CCNY: variants seen among roughly 807,000 people sequenced by gnomAD.
CCNY encodes cyclin Y, also known as cyclin-Y.
CCNY carries 19 observed loss-of-function variants against 42.8 expected under a neutral mutation model. The ratio of observed to expected loss-of-function variants is 0.44; its 90% CI spans 0.31 to 0.65. CCNY has a LOEUF of 0.65. Ranked by LOEUF, CCNY falls within the 30% of genes least tolerant of loss-of-function variation. The pLI is 0.07. For synonymous variants in CCNY, 165 were observed against 162.7 expected (o/e 1.01, Z -0.11); for missense variants, 370 against 437.3 (o/e 0.85, Z 1.37).
At chr10:35,279,670 G>C (rs1332186036) in intron 3 of CCNY, among the ~76,000 whole-genome samples, 3 of 152,216 alleles carry the variant, frequency 2.0e-5, no homozygotes, top group African/African-American at 7.2e-5. Context: ...ACCTGGACTA[G>C]GAATGCAGAT....
intron 2 of CCNY, among the ~76,000 whole-genome samples, chr10:35,487,165 A>T (rs1351895703): frequency 6.6e-6 from 1 of 152,226 alleles, no homozygotes; most frequent in African/African-American, 2.4e-5. Context: ...TTATATTTCC[A>T]TTACAAGACC....
intron 1 of CCNY, among the ~76,000 whole-genome samples, chr10:35,363,350 C>G (rs149745347): frequency 6.8e-6 from 1 of 147,036 alleles, no homozygotes; most frequent in Non-Finnish European, 1.5e-5. Context: ...GACAGTGGGG[C>G]GGCCGGGCAG....
chr10:35,521,543 G>A (rs1468424368), intron 4 of CCNY, among the ~76,000 whole-genome samples: 3 of 152,144 alleles, frequency 2.0e-5, no homozygotes, highest in Non-Finnish European at 4.4e-5. Context: ...CTGGAGGTGA[G>A]GCAGAAAAAA....
chr10:35,535,297 T>C (rs1404606415), intron 7 of CCNY, among the ~76,000 whole-genome samples: 1 of 151,928 alleles, frequency 6.6e-6, no homozygotes, highest in Non-Finnish European at 1.5e-5. Flanking sequence ...TGAACAGTAG[T>C]CTCTAGATGT....
At chr10:35,511,126 C>T (rs1270501249) in intron 3 of CCNY, among the ~76,000 whole-genome samples, 1 of 152,248 alleles carries the variant, frequency 6.6e-6, no homozygotes, top group African/African-American at 2.4e-5. Context: ...TGCCGTAACA[C>T]AGCTGCTGTG....
At chr10:35,549,798 CGTG>C (rs1589198935) in intron 7 of CCNY, among the ~76,000 whole-genome samples, 3 of 78,212 alleles carry the variant, frequency 3.8e-5, no homozygotes, top group Non-Finnish European at 4.9e-5. Flanking sequence ...CTACAGTGCT[CGTG>C]ACCCTGCGCT....
chr10:35,407,955 G>C (rs1163152227), intron 1 of CCNY, among the ~76,000 whole-genome samples: 2 of 152,182 alleles, frequency 1.3e-5, no homozygotes, highest in African/African-American at 2.4e-5. Flanking sequence ...AGGGAAGTCT[G>C]CCTTCCCGAG....
In CCNY at chr10:35,566,039, C is replaced by G; in HGVS notation, c.763C>G (p.Gln255Glu). Residue 255 changes from glutamine to glutamate, a missense_variant, in exon 9 of 10, where the codon CAG (glutamine) becomes GAG (glutamate). Physicochemically the swap from Gln to Glu is conservative, Grantham distance 29 (BLOSUM62 2). Transcript: ENST00000374704. ...TVEDMNELERQFLELLQFNIN... is the reference protein window; with the variant it reads ...TVEDMNELEREFLELLQFNIN... ...GCTTTGCAGGAACGAGCTAGAGCGA[C>G]AGTTTCTTGAATTGCTGCAGTTCAA... 1 of 1,613,888 alleles carries G rather than the reference C, an allele frequency of 6.2e-7. No homozygotes were observed. Among genetic ancestry groups the G allele is most frequent in the South Asian group, 1.1e-5 (1 of 91,006 alleles).
At chr10:35,544,180 C>T (rs189026764) in intron 7 of CCNY, among the ~76,000 whole-genome samples, 12 of 152,226 alleles carry the variant, frequency 7.9e-5, no homozygotes, top group East Asian at 5.8e-4. Context: ...CAGTAATGCC[C>T]TAGGATTCAC....
chr10:35,448,797 TG>T (rs1193608190), intron 1 of CCNY, among the ~76,000 whole-genome samples: 1 of 151,928 alleles, frequency 6.6e-6, no homozygotes, highest in African/African-American at 2.4e-5. Flanking sequence ...CACTCTAGAA[TG>T]GGGGCCAATG....
At chr10:35,350,012 G>GC (rs1836393873) in intron 1 of CCNY, among the ~76,000 whole-genome samples, 1 of 152,186 alleles carries the variant, frequency 6.6e-6, no homozygotes, top group African/African-American at 2.4e-5. Context: ...GCTGCCATTA[G>GC]CATCAGATTT....
intron 1 of CCNY, among the ~76,000 whole-genome samples, chr10:35,361,304 A>G (rs1203207587): frequency 1.3e-5 from 2 of 152,088 alleles, no homozygotes; most frequent in South Asian, 2.1e-4. Context: ...TTTTTGTCTT[A>G]TTATAAAAGT....
At chr10:35,517,267 A>G (rs956888588) in intron 4 of CCNY, among the ~76,000 whole-genome samples, 1 of 152,174 alleles carries the variant, frequency 6.6e-6, no homozygotes, top group African/African-American at 2.4e-5. Flanking sequence ...CAGTTTCCGT[A>G]CTTTAAAGAG....
intron 2 of CCNY, among the ~76,000 whole-genome samples, chr10:35,484,229 T>C (rs1476245765): frequency 6.6e-6 from 1 of 152,260 alleles, no homozygotes; most frequent in Non-Finnish European, 1.5e-5. Flanking sequence ...TACATGATTC[T>C]ATCCCTAACT....
intron 8 of CCNY, among the ~76,000 whole-genome samples, chr10:35,562,390 T>C: frequency 6.6e-6 from 1 of 152,246 alleles, no homozygotes; most frequent in East Asian, 1.9e-4. Flanking sequence ...TACATTGTTG[T>C]GCAACCATTA....
intron 1 of CCNY, among the ~76,000 whole-genome samples, chr10:35,338,911 C>G (rs1251110159): frequency 2.6e-5 from 4 of 152,156 alleles, no homozygotes; most frequent in Admixed American, 1.3e-4. Flanking sequence ...GTATTTGGCA[C>G]TAAGGCTCAG....
intron 8 of CCNY, among the ~76,000 whole-genome samples, chr10:35,562,895 T>C (rs769768651): frequency 6.6e-6 from 1 of 151,690 alleles, no homozygotes; most frequent in Non-Finnish European, 1.5e-5. Context: ...ATTTTAGAGT[T>C]CTATTTTCAA....
intron 1 of CCNY, among the ~76,000 whole-genome samples, chr10:35,402,075 C>A (rs2135230753): frequency 6.6e-6 from 1 of 151,898 alleles, no homozygotes; most frequent in South Asian, 2.1e-4. Flanking sequence ...GTTGGGGTGG[C>A]AAAAATTTTT....
chr10:35,318,216 G>A (rs1458932784), intron 3 of CCNY, among the ~76,000 whole-genome samples: 1 of 151,574 alleles, frequency 6.6e-6, no homozygotes, highest in Non-Finnish European at 1.5e-5. Context: ...TGACAGAGCA[G>A]ACCCTATTTC....
Sources: allele counts gnomAD v4.1 joint callset (sites outside exome capture counted in the v4.1 genomes callset), GRCh38; gene constraint gnomAD v4.1.1; transcripts MANE v1.5; gene names NCBI Gene and HGNC (gene_info 2026-07-23, HGNC 2026-07-21).